XIRP2: variants seen among roughly 807,000 people sequenced by gnomAD.
XIRP2 encodes xin actin binding repeat containing 2.
A neutral mutation model predicts 277.0 loss-of-function variants in XIRP2; 236 were observed. The observed-to-expected ratio is 0.85, with a 90% CI of 0.77 to 0.95. The LOEUF is 0.95. Ranked by LOEUF, XIRP2 falls within the 40% of genes least tolerant of loss-of-function variation. The pLI is 0.00. For missense variants in XIRP2, 4,640 were observed against 4,157.5 expected (o/e 1.12, Z -3.19); for synonymous variants, 1,490 against 1,416.5 (o/e 1.05, Z -1.17).
At chr2:167,136,825 T>C (rs1301441478) in intron 3 of XIRP2, among the ~76,000 whole-genome samples, 1 of 152,216 alleles carries the variant, frequency 6.6e-6, no homozygotes, top group East Asian at 1.9e-4. Context: ...TTTGGAATAT[T>C]TGTAGCAAAC....
intron 2 of XIRP2, among the ~76,000 whole-genome samples, chr2:167,079,894 C>G (rs1689681554): frequency 6.6e-6 from 1 of 151,244 alleles, no homozygotes; most frequent in Non-Finnish European, 1.5e-5. Context: ...TTAGTTTGCT[C>G]TTTTTTTGGT....
intron 2 of XIRP2, among the ~76,000 whole-genome samples, chr2:167,118,481 C>CAATAAAATAAAATAAAATAA (rs1353725543): frequency 2.5e-5 from 1 of 40,558 alleles, no homozygotes; most frequent in Non-Finnish European, 4.8e-5. Context: ...GACTCTGTCT[C>CAATAAAATAAAATAAAATAA]GATAAAATAA....
intron 2 of XIRP2, among the ~76,000 whole-genome samples, chr2:166,936,456 C>T (rs1685504486): frequency 6.6e-6 from 1 of 152,162 alleles, no homozygotes; most frequent in African/African-American, 2.4e-5. Context: ...GTTGCTACTG[C>T]TTTTGGTGTT....
At chr2:166,979,303 G>T (rs1342831549) in intron 2 of XIRP2, among the ~76,000 whole-genome samples, 2 of 151,058 alleles carry the variant, frequency 1.3e-5, no homozygotes, top group African/African-American at 4.9e-5. Flanking sequence ...CTCTAGTATG[G>T]TAAAGTAAAT....
At chr2:166,986,905 T>A (rs940858586) in intron 2 of XIRP2, among the ~76,000 whole-genome samples, 13 of 152,252 alleles carry the variant, frequency 8.5e-5, no homozygotes, top group African/African-American at 3.1e-4. Flanking sequence ...CTTAGTTTTA[T>A]GCATTTTGGG....
Position 167,246,871 on chromosome 2 carries a change from A to G in XIRP2, c.5479A>G (p.Thr1827Ala). The stretch of plus-strand genomic sequence containing the variant: ...GGTTTTTATGACCGAGCCTCAGAGT[A>G]CATTTGGTAAGATACCCAAAGAAGA... ...VKVFMTEPQS[T>A]FGKIPKEEII... Residue 1827 changes from threonine (T) to alanine (A), a missense_variant, in exon 9 of 11, where the codon ACA becomes GCA. Transcript: ENST00000409195. The G allele has an allele frequency of 6.2e-7, 1 of 1,613,720 alleles. No homozygotes were observed. The highest frequency in any genetic ancestry group is 8.5e-7 in the Non-Finnish European group (1 of 1,179,804).
intron 2 of XIRP2, among the ~76,000 whole-genome samples, chr2:167,010,833 T>C (rs1687655567): frequency 6.6e-6 from 1 of 152,046 alleles, no homozygotes; most frequent in South Asian, 2.1e-4. Context: ...TTTGAAGCAA[T>C]TGTGAATGGG....
chr2:167,006,330 G>A (rs899096932), intron 2 of XIRP2, among the ~76,000 whole-genome samples: 8 of 151,630 alleles, frequency 5.3e-5, no homozygotes, highest in East Asian at 1.9e-4. Flanking sequence ...ATGGTGGGGC[G>A]GGGGGAATGT....
intron 2 of XIRP2, among the ~76,000 whole-genome samples, chr2:166,913,393 G>A (rs1684773655): frequency 6.6e-6 from 1 of 152,108 alleles, no homozygotes; most frequent in Non-Finnish European, 1.5e-5. Context: ...CGTGGGCGTG[G>A]GACCCTCTGA....
At chr2:167,212,635 A>G (rs959863232) in intron 4 of XIRP2, among the ~76,000 whole-genome samples, 1 of 152,190 alleles carries the variant, frequency 6.6e-6, no homozygotes, top group Admixed American at 6.5e-5. Context: ...AAAATTAGGT[A>G]GTGAGGAGGC....
intron 2 of XIRP2, among the ~76,000 whole-genome samples, chr2:166,918,960 G>C: frequency 6.6e-6 from 1 of 152,050 alleles, no homozygotes; most frequent in East Asian, 1.9e-4. Context: ...GAACTTAGAA[G>C]TATGTAATCT....
intron 2 of XIRP2, among the ~76,000 whole-genome samples, chr2:167,086,046 T>C (rs1454192795): frequency 6.6e-6 from 1 of 152,178 alleles, no homozygotes; most frequent in African/African-American, 2.4e-5. Context: ...CTCGATGGTC[T>C]TTACATTTTG....
At chr2:166,914,031 C>T (rs186537930) in intron 2 of XIRP2, among the ~76,000 whole-genome samples, 5 of 152,278 alleles carry the variant, frequency 3.3e-5, no homozygotes, top group Non-Finnish European at 4.4e-5. Flanking sequence ...TCAAAAGGGA[C>T]GTTACAAATG....
intron 3 of XIRP2, among the ~76,000 whole-genome samples, chr2:167,138,866 G>C (rs1474286098): frequency 1.3e-5 from 2 of 152,054 alleles, no homozygotes; most frequent in African/African-American, 4.8e-5. Context: ...AGGAGTTTGA[G>C]ACCAGCCCCG....
intron 2 of XIRP2, among the ~76,000 whole-genome samples, chr2:167,040,268 AAGAAGGCATTGAGTGTAAAC>A (rs1688626890): frequency 6.6e-6 from 1 of 151,814 alleles, no homozygotes; most frequent in South Asian, 2.1e-4. Context: ...CATCTTCAGA[AAGAAGGCATTGAGTGTAAAC>A]AGAAGGAGAA....
rs573747451 is a variant in XIRP2, at chr2:167,123,805, A to G, written c.409-12104A>G. 8 of 152,234 alleles carry G rather than the reference A, an allele frequency of 5.3e-5. 1 individual carries two copies. Among genetic ancestry groups the G allele is most frequent in the Middle Eastern group, 6.8e-3 (2 of 294 alleles). The allele number at this position is 152,234 out of a possible 1,614,324, so 9.4% of individuals were successfully genotyped here. A position where few individuals can be genotyped will look rare whatever the true frequency, so the allele number is the denominator to read the frequency against. ...CTAATGGCCTCATTTTAACTGAATT[A>G]TATCTTTAAGGGCCCTGTCTCCAAA... On this transcript the variant is annotated intron_variant, in intron 2 of 10. Coordinates refer to ENST00000409195, the MANE Select transcript of XIRP2 (RefSeq NM_152381.6).
At chr2:167,196,747 G>C (rs1573949529) in intron 3 of XIRP2, among the ~76,000 whole-genome samples, 3 of 151,882 alleles carry the variant, frequency 2.0e-5, no homozygotes, top group South Asian at 4.2e-4. Context: ...AACCTACTGA[G>C]GTCTTCTTCC....
chr2:167,134,284 G>C (rs1574284992), intron 2 of XIRP2, among the ~76,000 whole-genome samples: 1 of 150,726 alleles, frequency 6.6e-6, no homozygotes, highest in South Asian at 2.1e-4. Context: ...ATGTACATGT[G>C]ATATATGTAT....
intron 2 of XIRP2, among the ~76,000 whole-genome samples, chr2:167,109,102 A>G (rs927165062): frequency 6.6e-6 from 1 of 152,026 alleles, no homozygotes; most frequent in African/African-American, 2.4e-5. Context: ...TTACTCACTT[A>G]TAAGTGAGAA....
Sources: allele counts gnomAD v4.1 joint callset (sites outside exome capture counted in the v4.1 genomes callset), GRCh38; gene constraint gnomAD v4.1.1; transcripts MANE v1.5; gene names NCBI Gene and HGNC (gene_info 2026-07-23, HGNC 2026-07-21).